The following PRPF31 variants were observed in gnomAD, a reference collection of about 807,000 sequenced individuals.
The protein encoded by PRPF31 is U4/U6 small nuclear ribonucleoprotein Prp31.
PRPF31 carries 12 observed loss-of-function variants against 60.4 expected under a neutral mutation model. That is an observed-to-expected ratio of 0.20 (90% CI 0.13 to 0.32). PRPF31 has a LOEUF of 0.32. PRPF31 is among the 10% of genes least tolerant of loss of function. The pLI, the probability that PRPF31 is intolerant of heterozygous loss-of-function variation, is 1.00. For missense variants in PRPF31, 431 were observed against 687.1 expected, an observed-to-expected ratio of 0.63 and a Z score of 4.17; for synonymous variants, 287 against 287.9, an observed-to-expected ratio of 1.00 and a Z score of 0.03.
At chr19:54,122,222 C>A in intron 4 of PRPF31, 1 of 619,498 alleles carries the variant, frequency 1.6e-6, no homozygotes. Flanking sequence ...GGTGACTGCC[C>A]CACCTCCAGC....
chr19:54,124,415 G>A (rs370408263), intron 7 of PRPF31, 84 bp from the exon 8 acceptor site: 51 of 1,239,766 alleles, frequency 4.1e-5, no homozygotes, highest in East Asian at 3.5e-4. Context: ...CCCAGCACAC[G>A]TCGAGCCCCC....
At chr19:54,124,793 G>T in intron 8 of PRPF31, 137 bp downstream of exon 8, 1 of 1,050,592 alleles carries the variant, frequency 9.5e-7, no homozygotes, top group Non-Finnish European at 1.4e-6. Context: ...GGCATGGGAC[G>T]TGAGAGCCAG....
intron 8 of PRPF31, among the ~76,000 whole-genome samples, chr19:54,126,081 G>C (rs587629561): frequency 2.4e-4 from 36 of 152,298 alleles, no homozygotes; most frequent in African/African-American, 8.2e-4. Context: ...TGGAACCCTG[G>C]CTCCATCACC....
intron 9 of PRPF31, 132 bp from the exon 10 acceptor site, chr19:54,127,941 G>A: frequency 7.9e-7 from 1 of 1,262,714 alleles, no homozygotes; most frequent in South Asian, 1.3e-5. Context: ...GAAAAAGAAA[G>A]GGGGTGGCGG....
intron 7 of PRPF31, 37 bp from the exon 8 acceptor site, chr19:54,124,462 C>T (rs2073869829): frequency 1.3e-6 from 2 of 1,557,118 alleles, no homozygotes; most frequent in Non-Finnish European, 1.8e-6. Context: ...CTGCTTTCTT[C>T]TGACCGCCCC....
rs368411191 is a variant in PRPF31 at position 54,123,422 on chromosome 19, G to A, written c.421-32G>A. 88 of 1,566,404 alleles carry A rather than the reference G, an allele frequency of 5.6e-5. No individual in the cohort carries two copies. In the Middle Eastern group the frequency reaches 1.8e-3, roughly 33 times the overall value. ...GGTTCTCGAGCCTTCCTGAGTTCCC[G>A]AGCCTCCCCTATCTTCTCTGCTCGC... On this transcript the variant is annotated intron_variant, in intron 5 of 13. Coordinates refer to ENST00000321030, the MANE Select transcript of PRPF31 (RefSeq NM_015629.4).
intron 3 of PRPF31, among the ~76,000 whole-genome samples, chr19:54,121,548 C>T (rs1402111675): frequency 2.0e-5 from 3 of 152,112 alleles, no homozygotes; most frequent in African/African-American, 7.2e-5. Context: ...GCAGAGCTTC[C>T]GGAGTTGGGG....
At position 54,123,743 on chromosome 19, in the gene PRPF31, C is replaced by A; in HGVS notation, c.528-6C>A. On this transcript the variant is annotated splice_polypyrimidine_tract_variant and splice_region_variant and intron_variant, in intron 6 of 13. Transcript: ENST00000321030. ...CCCAGGAGGCTGGGCCCACCCGCCC[C>A]TGCAGGCAGCAGCTGTCGGAGGAGG... 6.2e-7 allele frequency: 1 copy of A among 1,607,802 alleles called. No homozygotes were observed. The highest frequency in any genetic ancestry group is 8.5e-7 in the Non-Finnish European group (1 of 1,178,442).
chr19:54,123,496 C>G lies in PRPF31; in HGVS notation c.463C>G (p.Leu155Val), dbSNP rs1372880764. 1 of 1,614,204 alleles carries G rather than the reference C, an allele frequency of 6.2e-7. No homozygotes were observed. The highest frequency in any genetic ancestry group is 1.7e-5 in the Admixed American group (1 of 60,024). ...GGACAAGTGCAAGAACAATGAGAAC[C>G]TGCAGCAGATCCTCACCAATGCCAC... is the stretch of plus-strand genomic sequence containing the variant. ...SLDKCKNNENLQQILTNATIM... is the reference protein window; with the variant it reads ...SLDKCKNNENVQQILTNATIM... Residue 155 changes from leucine (L) to valine (V), a missense_variant, in exon 6 of 14, where the codon CTG becomes GTG. Leu to Val is a conservative substitution (Grantham distance 32). This residue lies in a region of PRPF31 where 113 missense variants were observed against 173.8 expected (regional missense o/e 0.65). Coordinates refer to ENST00000321030, the MANE Select transcript of PRPF31 (RefSeq NM_015629.4).
chr19:54,129,866 C>T (rs1250625508), intron 13 of PRPF31, among the ~76,000 whole-genome samples: 2 of 151,912 alleles, frequency 1.3e-5, no homozygotes, highest in Non-Finnish European at 2.9e-5. Context: ...CGAGCCTGCA[C>T]CACGGAGGCG....
At chr19:54,128,794 C>T (rs1600358879) in intron 11 of PRPF31, among the ~76,000 whole-genome samples, 3 of 152,284 alleles carry the variant, frequency 2.0e-5, no homozygotes, top group East Asian at 1.9e-4. Flanking sequence ...TGACATCCCC[C>T]GACCCACACG....
At position 54,131,378 on chromosome 19, in the gene PRPF31, C is replaced by T; in HGVS notation, c.1446C>T (p.Ser482=). 6.2e-7 allele frequency: 1 copy of T among 1,614,098 alleles called. No individual in the cohort carries two copies. The highest frequency in any genetic ancestry group is 8.5e-7 in the Non-Finnish European group (1 of 1,180,016). ...VAEANQKYFS[S]MAEFLKVKGE... ...AGGCCAACCAGAAGTATTTCTCCAG[C>T]ATGGCTGAGTTCCTCAAGGTCAAGG... Residue 482 remains serine, a synonymous_variant, in exon 14 of 14, where the codon AGC becomes AGT. Coordinates refer to ENST00000321030, the MANE Select transcript of PRPF31 (RefSeq NM_015629.4).
chr19:54,128,581 C>G (rs985856433), intron 11 of PRPF31, among the ~76,000 whole-genome samples: 2 of 150,930 alleles, frequency 1.3e-5, no homozygotes, highest in African/African-American at 4.9e-5. Context: ...CCTGTGTCTC[C>G]GCTGCTTAGA....
At chr19:54,122,408 TA>T in intron 4 of PRPF31, 88 bp from the exon 5 acceptor site, 1 of 987,608 alleles carries the variant, frequency 1.0e-6, no homozygotes, top group Non-Finnish European at 1.6e-6. Flanking sequence ...CTTCAGTTAC[TA>T]AAGGAAGAAG....
At position 54,129,320 on chromosome 19, in the gene PRPF31, C is replaced by T. The variant is rs1394170563; in HGVS notation, c.1324C>T (p.Arg442Cys). 1.2e-6 allele frequency: 2 copies of T among 1,607,070 alleles called. No individual in the cohort carries two copies. The highest frequency in any genetic ancestry group is 2.3e-5 in the East Asian group (1 of 44,394). ...SVVYGGKSTI[R>C]DRSSGTASSV... ...CGTATATGGCGGGAAGTCCACCATC[C>T]GCGACCGCTCCTCGGGCACGGCCTC... The change falls in exon 13 of 14, where the codon CGC becomes TGC. Residue 442 changes from arginine (R) to cysteine (C), a missense_variant. Transcript: ENST00000321030.
At chr19:54,116,979 T>G (rs1367482963) in intron 1 of PRPF31, among the ~76,000 whole-genome samples, 1 of 152,018 alleles carries the variant, frequency 6.6e-6, no homozygotes, top group African/African-American at 2.4e-5. Context: ...GCCTGTCATC[T>G]CAGCTATCGG....
chr19:54,129,299 T>C lies in PRPF31; in HGVS notation c.1303T>C (p.Tyr435His). Residue 435 changes from tyrosine (Y) to histidine (H), a missense_variant, in exon 13 of 14, where the codon TAT becomes CAT. By Grantham distance (83) the Tyr-to-His change is moderately conservative. This residue lies in a region of PRPF31 where 314 missense variants were observed against 475.3 expected (regional missense o/e 0.66). Transcript: ENST00000321030. ...GACCCTGCAGAAGCAGAGCGTCGTA[T>C]ATGGCGGGAAGTCCACCATCCGCGA... is the stretch of plus-strand genomic sequence containing the variant. ...QRTLQKQSVV[Y>H]GGKSTIRDRS... is the part of the protein sequence containing the mutation. 6.2e-7 allele frequency: 1 copy of C among 1,610,382 alleles called. No individual in the cohort carries two copies. The highest frequency in any genetic ancestry group is 8.5e-7 in the Non-Finnish European group (1 of 1,179,072).
At chr19:54,117,259 G>C (rs2073669760) in intron 1 of PRPF31, among the ~76,000 whole-genome samples, 1 of 152,196 alleles carries the variant, frequency 6.6e-6, no homozygotes, top group South Asian at 2.1e-4. Flanking sequence ...AAGTAAAGCA[G>C]CTTTACTGAT....
Position 54,128,031 on chromosome 19 carries a change from C to A in PRPF31, c.946-42C>A, listed in dbSNP as rs587647700. ...GCTCAGAGGAGGCCTGGGTGGGCAG[C>A]CCACGCGAGCAGCTGCAGGACCTCC... On this transcript the variant is annotated intron_variant, in intron 9 of 13. Coordinates refer to ENST00000321030, the MANE Select transcript of PRPF31 (RefSeq NM_015629.4). 4.5e-6 allele frequency: 7 copies of A among 1,548,128 alleles called. No homozygotes were observed. The East Asian group carries it at 1.7e-4, about 38-fold the overall frequency.
Sources: allele counts gnomAD v4.1 joint callset (sites outside exome capture counted in the v4.1 genomes callset), GRCh38; gene constraint gnomAD v4.1.1; regional missense constraint gnomAD v4.1.1; transcripts MANE v1.5; gene names NCBI Gene and HGNC (gene_info 2026-07-23, HGNC 2026-07-21).